Variants in XPO1 observed in about 807,000 individuals in gnomAD.
XPO1 encodes exportin-1.
In XPO1, 5 loss-of-function variants were observed where a neutral mutation model predicts 133.3. The observed-to-expected ratio is 0.04, with a 90% CI of 0.02 to 0.08. XPO1 has a LOEUF of 0.08. Among genes scored for constraint, XPO1 ranks in the 10% least tolerant of loss-of-function variants. The pLI, the probability that XPO1 is intolerant of heterozygous loss-of-function variation, is 1.00. For missense variants in XPO1, 506 were observed against 1,267.5 expected, an observed-to-expected ratio of 0.40 and a Z score of 9.12; for synonymous variants, 419 against 408.2, an observed-to-expected ratio of 1.03 and a Z score of -0.32.
chr2:61,497,097 C>A, intron 9 of XPO1, 90 bp from the exon 10 acceptor site: 1 of 1,472,298 alleles, frequency 6.8e-7, no homozygotes, highest in Admixed American at 2.4e-5. Flanking sequence ...AAGGCTTTAA[C>A]AATTAAATAT....
At chr2:61,507,875 G>A (rs888442517) in intron 4 of XPO1, among the ~76,000 whole-genome samples, 5 of 152,188 alleles carry the variant, frequency 3.3e-5, no homozygotes, top group Admixed American at 6.6e-5. Context: ...TCCAGCCTGA[G>A]TGACAGATCA....
At chr2:61,494,833 G>T (rs992194937) in intron 11 of XPO1, 47 of 149,068 alleles carry the variant, frequency 3.2e-4, no homozygotes, top group Admixed American at 2.1e-3. Flanking sequence ...TATATATAAA[G>T]AGAGAGAGAG....
In XPO1 at chr2:61,492,243, A is replaced by G; in HGVS notation, c.1724-45T>C. 8 of 1,603,614 alleles carry G rather than the reference A, an allele frequency of 5.0e-6. No individual in the cohort carries two copies. Among genetic ancestry groups the G allele is most frequent in the Non-Finnish European group, 6.8e-6 (8 of 1,176,258 alleles). On this transcript the variant is annotated intron_variant, in intron 15 of 24. Transcript: ENST00000401558. The surrounding 1 kb of genome is among the most constrained non-coding windows in gnomAD (Gnocchi z 5.6). ...CATTTATTTTGTCCTGGACTCCATC[A>G]TGGGTCTCTAACAAGACAAAAACAT...
chr2:61,515,226 A>G (rs1477023428), intron 4 of XPO1, among the ~76,000 whole-genome samples: 1 of 152,188 alleles, frequency 6.6e-6, no homozygotes, highest in African/African-American at 2.4e-5. Context: ...CATGCACAAG[A>G]TAAAACTTAT....
At chr2:61,514,924 G>A (rs1698292135) in intron 4 of XPO1, among the ~76,000 whole-genome samples, 2 of 151,830 alleles carry the variant, frequency 1.3e-5, no homozygotes, top group African/African-American at 2.4e-5. Context: ...CAAAAATTAT[G>A]CTGGTGTGGT....
At chr2:61,490,057 A>G (rs1016872001) in intron 17 of XPO1, among the ~76,000 whole-genome samples, 1 of 150,920 alleles carries the variant, frequency 6.6e-6, no homozygotes, top group Non-Finnish European at 1.5e-5. Flanking sequence ...TGCCTGGCTA[A>G]TTTTTGTATT....
At chr2:61,498,638 TC>T (rs1558645992) in intron 9 of XPO1, 34 bp downstream of exon 9, 1 of 1,609,570 alleles carries the variant, frequency 6.2e-7, no homozygotes, top group African/African-American at 1.3e-5. Flanking sequence ...TATGTGGCTA[TC>T]CGGTGACAAA....
chr2:61,479,099 A>T (rs1696199094), intron 24 of XPO1, 133 bp from the exon 25 acceptor site: 2 of 1,022,420 alleles, frequency 2.0e-6, no homozygotes, highest in South Asian at 1.7e-5. Context: ...GTTTTAAATT[A>T]TAGGATAGTG....
At chr2:61,530,463 A>G (rs1348999733) in intron 2 of XPO1, among the ~76,000 whole-genome samples, 1 of 152,204 alleles carries the variant, frequency 6.6e-6, no homozygotes, top group Non-Finnish European at 1.5e-5. Flanking sequence ...GAATGGTGAA[A>G]GCATTTTAGT....
rs1164128579 is a variant in XPO1 at position 61,493,999 on chromosome 2, G to A, written c.1140C>T (p.Leu380=). The A allele has an allele frequency of 6.2e-7, 1 of 1,614,068 alleles. No homozygotes were observed. The highest frequency in any genetic ancestry group is 1.1e-5 in the South Asian group (1 of 91,082). ...ATGTAGAGAATGGACTCTCTCTATA[G>A]AGTTCAGCAGCCAAATGATTCCAGT... ...LEYWNHLAAE[L]YRESPFSTSA... is the part of the protein sequence containing the mutation. Residue 380 remains leucine, a synonymous_variant, in exon 12 of 25, where the codon CTC becomes CTT. Transcript: ENST00000401558.
At chr2:61,484,202 A>C in intron 20 of XPO1, 97 bp from the exon 21 acceptor site, 1 of 1,100,256 alleles carries the variant, frequency 9.1e-7, no homozygotes. Flanking sequence ...AAATATTTGG[A>C]GTTTTCAATA....
intron 19 of XPO1, 73 bp downstream of exon 19, chr2:61,488,092 T>C (rs1371984122): frequency 7.5e-7 from 1 of 1,335,154 alleles, no homozygotes. Context: ...AAAATGCACA[T>C]AATAGAGTAT....
Position 61,478,056 on chromosome 2 carries a change from T to A in XPO1, c.*764A>T, listed in dbSNP as rs968540257. The A allele has an allele frequency of 3.9e-5, 9 of 232,272 alleles. No homozygotes were observed. In the Admixed American group the frequency reaches 5.1e-4, roughly 13 times the overall value. The allele number at this position is 232,272 out of a possible 1,614,324, so 14.4% of individuals were successfully genotyped here. A position where few individuals can be genotyped will look rare whatever the true frequency, so the allele number is the denominator to read the frequency against. ...AGAGTTGTTTTGTTTTTTAATGAGT[T>A]GTTAAAAAGATGCAGCCTATTCTAA... On this transcript the variant is annotated 3_prime_UTR_variant, in exon 25 of 25. Coordinates refer to ENST00000401558, the MANE Select transcript of XPO1 (RefSeq NM_003400.4).
intron 19 of XPO1, among the ~76,000 whole-genome samples, chr2:61,486,269 G>T (rs936803252): frequency 6.6e-6 from 1 of 151,984 alleles, no homozygotes; most frequent in Non-Finnish European, 1.5e-5. Flanking sequence ...CACCTCCCAG[G>T]TTCAAGCAAT....
intron 4 of XPO1, among the ~76,000 whole-genome samples, chr2:61,516,214 A>G (rs113835067): frequency 0.18 from 26,848 of 149,958 alleles, 2,894 homozygotes; most frequent in African/African-American, 0.29. Context: ...CTGAGGCAGG[A>G]GAATAGCTTG....
intron 19 of XPO1, among the ~76,000 whole-genome samples, chr2:61,486,197 G>C (rs77858448): frequency 6.7e-6 from 1 of 148,574 alleles, no homozygotes; most frequent in Non-Finnish European, 1.5e-5. Context: ...TTTTTTTTTT[G>C]AGACAGTCTC....
intron 4 of XPO1, 64 bp from the exon 5 acceptor site, chr2:61,502,374 T>C (rs1322035610): frequency 2.1e-6 from 3 of 1,441,414 alleles, no homozygotes; most frequent in African/African-American, 1.4e-5. Flanking sequence ...CAAATAAATT[T>C]TGAGAACTAA....
At chr2:61,529,074 CCAGCTA>C (rs1471881586) in intron 2 of XPO1, among the ~76,000 whole-genome samples, 1 of 151,742 alleles carries the variant, frequency 6.6e-6, no homozygotes, top group Non-Finnish European at 1.5e-5. Context: ...ACTTATGGTC[CCAGCTA>C]CTCAGGAGGC....
At chr2:61,500,030 A>AGG in intron 6 of XPO1, 136 bp from the exon 7 acceptor site, 1 of 885,148 alleles carries the variant, frequency 1.1e-6, no homozygotes, top group Non-Finnish European at 1.7e-6. Flanking sequence ...TTATTAAAGG[A>AGG]AGAAATGTGC....
Sources: allele counts gnomAD v4.1 joint callset (sites outside exome capture counted in the v4.1 genomes callset), GRCh38; gene constraint gnomAD v4.1.1; non-coding constraint Gnocchi (gnomAD v3.1); transcripts MANE v1.5; gene names NCBI Gene and HGNC (gene_info 2026-07-23, HGNC 2026-07-21).